The following TCF7L2 variants were observed in gnomAD, a reference collection of about 807,000 sequenced individuals.
The protein encoded by TCF7L2 is transcription factor 7-like 2.
Under a neutral mutation model 77.9 loss-of-function variants are expected in TCF7L2, and 23 were observed. The observed-to-expected ratio is 0.30, with a 90% CI of 0.21 to 0.42. The LOEUF (loss-of-function observed/expected upper bound fraction) is 0.42, where lower values mean the gene tolerates loss of function less well. Among genes scored for constraint, TCF7L2 ranks in the 10% least tolerant of loss-of-function variants. The pLI is 1.00. For synonymous variants in TCF7L2, 413 were observed against 340.2 expected, an observed-to-expected ratio of 1.21 and a Z score of -2.36; for missense variants, 654 against 793.1, an observed-to-expected ratio of 0.82 and a Z score of 2.11.
chr10:112,956,304 T>C (rs1209654674), intron 3 of TCF7L2, among the ~76,000 whole-genome samples: 2 of 151,504 alleles, frequency 1.3e-5, no homozygotes, highest in African/African-American at 4.9e-5. Context: ...TGACATTATA[T>C]TGGGGGAAGG....
chr10:113,038,376 T>C (rs2051749387), intron 4 of TCF7L2, among the ~76,000 whole-genome samples: 1 of 152,172 alleles, frequency 6.6e-6, no homozygotes, highest in African/African-American at 2.4e-5. Flanking sequence ...AAGCTCTGAA[T>C]TTGTAGCAGA....
At chr10:112,960,762 A>G (rs920562351) in intron 3 of TCF7L2, among the ~76,000 whole-genome samples, 3 of 150,866 alleles carry the variant, frequency 2.0e-5, no homozygotes, top group Admixed American at 2.0e-4. Context: ...ATCTTGGCTC[A>G]CTGTAGCCTC....
chr10:112,981,636 C>T (rs2040487559), intron 4 of TCF7L2, among the ~76,000 whole-genome samples: 1 of 152,202 alleles, frequency 6.6e-6, no homozygotes. Context: ...CCGACAATGA[C>T]TTAAATGTGA....
intron 6 of TCF7L2, 51 bp from the exon 7 acceptor site, chr10:113,143,872 C>T (rs758128246): frequency 1.4e-6 from 2 of 1,418,104 alleles, no homozygotes; most frequent in African/African-American, 1.4e-5. Flanking sequence ...TAATGGATTG[C>T]TCTTTCCTTC....
rs1452820684 is a variant in TCF7L2, at chr10:112,951,117, C to CT, written c.190-90_190-89insT. ...GTAACCCTGTTTTTTTCTACCCCCC[C>CT]CTCGACCTCGCCGATTCTTTTTCTC... On this transcript the variant is annotated intron_variant, in intron 1 of 13. Coordinates refer to ENST00000627217, the MANE Select transcript of TCF7L2 (RefSeq NM_001146274.2). 12 of 1,306,274 alleles carry CT rather than the reference C, an allele frequency of 9.2e-6. No individual in the cohort carries two copies. The South Asian group carries it at 9.4e-5, about 10-fold the overall frequency. 80.9% of individuals were successfully genotyped at this position (1,306,274 alleles called of 1,614,324 possible).
chr10:113,001,139 G>A (rs1192373068), intron 4 of TCF7L2, among the ~76,000 whole-genome samples: 2 of 152,234 alleles, frequency 1.3e-5, no homozygotes, highest in African/African-American at 4.8e-5. Context: ...TGCTGGCTTG[G>A]AGGGCAGGAG....
chr10:113,010,001 G>A (rs764761451), intron 4 of TCF7L2, among the ~76,000 whole-genome samples: 27 of 151,850 alleles, frequency 1.8e-4, no homozygotes, highest in Non-Finnish European at 2.8e-4. Flanking sequence ...TGTCACCCAC[G>A]GGCTCCTATG....
intron 13 of TCF7L2, chr10:113,161,691 C>T: frequency 1.4e-6 from 2 of 1,429,986 alleles, no homozygotes; most frequent in South Asian, 1.2e-5. Context: ...TTGCCATGTG[C>T]TCCGTGTTTA....
chr10:112,955,192 G>T lies in TCF7L2; in HGVS notation c.381+3585G>T, dbSNP rs146684765. ...AATGTAATATTACTGTAATTACACA[G>T]GTCATTACATTTTAAATAGAGAACA... is the stretch of plus-strand genomic sequence containing the variant. On this transcript the variant is annotated intron_variant, in intron 3 of 13. Transcript: ENST00000627217. Among the ~76,000 whole-genome samples, 3 of 149,774 alleles carry T rather than the reference G, an allele frequency of 2.0e-5. No individual in the cohort carries two copies. In the East Asian group the frequency reaches 6.0e-4, roughly 30 times the overall value.
chr10:113,131,813 T>C (rs764323914), intron 5 of TCF7L2, among the ~76,000 whole-genome samples: 1 of 152,216 alleles, frequency 6.6e-6, no homozygotes, highest in Non-Finnish European at 1.5e-5. Context: ...TATTTTGGAA[T>C]GTGATGAAAT....
Position 112,950,424 on chromosome 10 carries a change from T to G in TCF7L2, c.-333T>G. 1 of 225,098 alleles carries G rather than the reference T, an allele frequency of 4.4e-6. No individual in the cohort carries two copies. 13.9% of individuals were successfully genotyped at this position (225,098 alleles called of 1,614,324 possible). On this transcript the variant is annotated 5_prime_UTR_variant, in exon 1 of 14. Transcript: ENST00000627217. ...GGCTTCCCCCCCCCTTTGCTCTTTA[T>G]ATCTGACTTCTTGTTGTTGTTGGTG...
At chr10:113,160,123 C>G in intron 12 of TCF7L2, 131 bp downstream of exon 14, 1 of 769,998 alleles carries the variant, frequency 1.3e-6, no homozygotes, top group Non-Finnish European at 2.1e-6. Flanking sequence ...GGGACACTGC[C>G]AAGTGTATGG....
At chr10:112,969,238 T>C (rs1271514491) in intron 4 of TCF7L2, among the ~76,000 whole-genome samples, 1 of 152,206 alleles carries the variant, frequency 6.6e-6, no homozygotes, top group Non-Finnish European at 1.5e-5. Context: ...AATGGAATCT[T>C]ATAGAATGTA....
chr10:113,091,594 G>T (rs758379878), intron 5 of TCF7L2, among the ~76,000 whole-genome samples: 1 of 152,164 alleles, frequency 6.6e-6, no homozygotes, highest in Non-Finnish European at 1.5e-5. Context: ...GCGCGTGCCC[G>T]TACTCCCAGC....
At chr10:112,967,635 G>GTTTT (rs111510229) in intron 4 of TCF7L2, among the ~76,000 whole-genome samples, 4 of 141,704 alleles carry the variant, frequency 2.8e-5, no homozygotes, top group African/African-American at 5.2e-5. Context: ...AAAATTAAAA[G>GTTTT]TTTTTTTTTT....
At chr10:113,114,947 T>G (rs1443820215) in intron 5 of TCF7L2, among the ~76,000 whole-genome samples, 1 of 152,220 alleles carries the variant, frequency 6.6e-6, no homozygotes, top group African/African-American at 2.4e-5. Flanking sequence ...AAATCTTAAT[T>G]AAGTTATTGA....
intron 5 of TCF7L2, among the ~76,000 whole-genome samples, chr10:113,138,917 C>G (rs543752022): frequency 6.6e-6 from 1 of 152,114 alleles, no homozygotes; most frequent in South Asian, 2.1e-4. Context: ...AAAAGCATCC[C>G]GGGAGATGCT....
chr10:113,067,169 A>T (rs1162775074), intron 5 of TCF7L2, among the ~76,000 whole-genome samples: 1 of 152,224 alleles, frequency 6.6e-6, no homozygotes, highest in Non-Finnish European at 1.5e-5. Flanking sequence ...TTAACATATT[A>T]TGTGAATTGG....
intron 5 of TCF7L2, among the ~76,000 whole-genome samples, chr10:113,052,610 A>G (rs2054657952): frequency 6.6e-6 from 1 of 152,212 alleles, no homozygotes; most frequent in Non-Finnish European, 1.5e-5. Flanking sequence ...CAGGAGCTGG[A>G]CTGTGGCTCA....
Sources: allele counts gnomAD v4.1 joint callset (sites outside exome capture counted in the v4.1 genomes callset), GRCh38; gene constraint gnomAD v4.1.1; transcripts MANE v1.5; gene names NCBI Gene and HGNC (gene_info 2026-07-23, HGNC 2026-07-21).